Variants in SMIM41 observed in about 807,000 individuals in gnomAD.
The protein encoded by SMIM41 is small integral membrane protein 41.
intron 2 of SMIM41, among the ~76,000 whole-genome samples, chr12:52,089,540 G>A (rs1939955601): frequency 6.6e-6 from 1 of 152,158 alleles, no homozygotes; most frequent in African/African-American, 2.4e-5. Context: ...GCTGCAGTGA[G>A]CCATGATTGT....
intron 2 of SMIM41, among the ~76,000 whole-genome samples, chr12:52,088,736 G>C (rs1372912770): frequency 1.3e-5 from 2 of 152,172 alleles, no homozygotes; most frequent in East Asian, 3.8e-4. Flanking sequence ...CTTCAGCAGA[G>C]GCGCGTTCTG....
At chr12:52,087,287 C>T (rs962496382) in intron 2 of SMIM41, among the ~76,000 whole-genome samples, 10 of 152,204 alleles carry the variant, frequency 6.6e-5, no homozygotes, top group Non-Finnish European at 1.3e-4. Flanking sequence ...AAGCATACTC[C>T]GGTTTCTGCC....
chr12:52,089,194 C>A (rs964744034), intron 2 of SMIM41, among the ~76,000 whole-genome samples: 3 of 152,014 alleles, frequency 2.0e-5, no homozygotes, highest in Non-Finnish European at 2.9e-5. Flanking sequence ...GCTGCCATAA[C>A]AAATACCACA....
At chr12:52,094,429 C>T (rs1187024326) in intron 2 of SMIM41, among the ~76,000 whole-genome samples, 1 of 152,134 alleles carries the variant, frequency 6.6e-6, no homozygotes, top group African/African-American at 2.4e-5. Context: ...TCTCGAACTC[C>T]TGACCTCAGG....
At chr12:52,107,014 G>A (rs536516690) in intron 2 of SMIM41, among the ~76,000 whole-genome samples, 5 of 152,112 alleles carry the variant, frequency 3.3e-5, no homozygotes, top group East Asian at 3.9e-4. Flanking sequence ...ATTTTTCTTC[G>A]GAAAAGATAG....
At chr12:52,090,361 G>A (rs1939977864) in intron 2 of SMIM41, among the ~76,000 whole-genome samples, 1 of 151,608 alleles carries the variant, frequency 6.6e-6, no homozygotes, top group Non-Finnish European at 1.5e-5. Context: ...GGGATTACAG[G>A]TGTGAGCCAC....
intron 2 of SMIM41, among the ~76,000 whole-genome samples, chr12:52,086,071 C>T (rs1307961444): frequency 2.0e-5 from 3 of 152,208 alleles, no homozygotes; most frequent in Non-Finnish European, 2.9e-5. Flanking sequence ...ATGCAGGACG[C>T]AGCCCTGTTG....
chr12:52,090,670 T>A (rs1939984653), intron 2 of SMIM41, among the ~76,000 whole-genome samples: 1 of 151,968 alleles, frequency 6.6e-6, no homozygotes, highest in Non-Finnish European at 1.5e-5. Flanking sequence ...CACTGAAGAG[T>A]GTGCTCTGCT....
At chr12:52,099,683 A>G (rs1592329321) in intron 2 of SMIM41, among the ~76,000 whole-genome samples, 1 of 151,970 alleles carries the variant, frequency 6.6e-6, no homozygotes, top group East Asian at 1.9e-4. Context: ...TACCTGCGAT[A>G]TTTGGAGTAA....
chr12:52,079,710 G>C lies in SMIM41; in HGVS notation c.-70G>C. The C allele has an allele frequency of 2.6e-6, 1 of 388,804 alleles. No individual in the cohort carries two copies. The highest frequency in any genetic ancestry group is 3.7e-5 in the East Asian group (1 of 27,216). The allele number at this position is 388,804 out of a possible 1,614,324, so 24.1% of individuals were successfully genotyped here. A position where few individuals can be genotyped will look rare whatever the true frequency, so the allele number is the denominator to read the frequency against. On this transcript the variant is annotated 5_prime_UTR_variant, in exon 1 of 3. Transcript: ENST00000546390. ...TGGTTCCCTCCCCGACGCAGCCGCC[G>C]GCCCGCCCGCCAGTCTGGGCTCCTG...
At chr12:52,103,121 T>C (rs1940253678) in intron 2 of SMIM41, among the ~76,000 whole-genome samples, 1 of 150,438 alleles carries the variant, frequency 6.6e-6, no homozygotes, top group African/African-American at 2.4e-5. Context: ...AGGTCAGGAG[T>C]TCAAGACCAG....
chr12:52,107,646 A>AT lies in SMIM41; in HGVS notation c.*468dup. On this transcript the variant is annotated 3_prime_UTR_variant, in exon 3 of 3. Transcript: ENST00000546390. Reference sequence around the variant, plus strand: ...CCTGACTCAGAAGTCTCTCTTTGCCATTTTTGGAGGCACGGAAGAGAGACA... The same window carrying AT: ...CCTGACTCAGAAGTCTCTCTTTGCCATTTTTTGGAGGCACGGAAGAGAGACA... 1 of 558,644 alleles carries AT rather than the reference A, an allele frequency of 1.8e-6. No homozygotes were observed. Among genetic ancestry groups the AT allele is most frequent in the Non-Finnish European group, 3.5e-6 (1 of 289,080 alleles). 34.6% of individuals were successfully genotyped at this position (558,644 alleles called of 1,614,324 possible).
At chr12:52,088,696 A>G (rs1592323390) in intron 2 of SMIM41, among the ~76,000 whole-genome samples, 1 of 152,064 alleles carries the variant, frequency 6.6e-6, no homozygotes, top group Non-Finnish European at 1.5e-5. Context: ...TTCTCAGCCC[A>G]CCCATCCTCC....
intron 2 of SMIM41, among the ~76,000 whole-genome samples, chr12:52,086,384 CA>C (rs1939893490): frequency 6.6e-6 from 1 of 152,154 alleles, no homozygotes; most frequent in East Asian, 1.9e-4. Flanking sequence ...TCTGCGAGCC[CA>C]CTGCAGGGTG....
chr12:52,107,263 A>G (rs150793336), intron 2 of SMIM41, 116 bp from the exon 3 acceptor site: 22 of 399,068 alleles, frequency 5.5e-5, no homozygotes, highest in East Asian at 3.4e-4. Flanking sequence ...TGCAGACACA[A>G]TGCTGGGTGT....
At chr12:52,107,155 T>C (rs1940357548) in intron 2 of SMIM41, 6 of 354,258 alleles carry the variant, frequency 1.7e-5, no homozygotes, top group South Asian at 1.3e-4. Flanking sequence ...GATGAAAGCA[T>C]TATAAGACAA....
chr12:52,100,671 C>G (rs1427478845), intron 2 of SMIM41, among the ~76,000 whole-genome samples: 4 of 130,044 alleles, frequency 3.1e-5, no homozygotes, highest in African/African-American at 9.0e-5. Context: ...CAGTGTTTCT[C>G]CATATTGGTC....
chr12:52,085,313 A>G (rs1387933990), intron 2 of SMIM41, among the ~76,000 whole-genome samples: 3 of 152,152 alleles, frequency 2.0e-5, no homozygotes, highest in African/African-American at 7.2e-5. Context: ...CTCTGGAATC[A>G]CATGGTCTGG....
chr12:52,085,356 A>G (rs570536204), intron 2 of SMIM41, among the ~76,000 whole-genome samples: 1 of 152,258 alleles, frequency 6.6e-6, no homozygotes, highest in Admixed American at 6.5e-5. Flanking sequence ...TATTAGCTGC[A>G]TGGCCTGACA....
Sources: gnomAD v4.1 joint callset for allele counts (sites outside exome capture counted in the v4.1 genomes callset) on GRCh38, gnomAD v4.1.1 for gene constraint, MANE v1.5 for transcripts, NCBI Gene and HGNC (gene_info 2026-07-23, HGNC 2026-07-21) for gene names.